LRRTM4: variants seen among roughly 807,000 people sequenced by gnomAD.
LRRTM4 encodes leucine rich repeat transmembrane neuronal 4.
A neutral mutation model predicts 47.6 loss-of-function variants in LRRTM4; 25 were observed. That is an observed-to-expected ratio of 0.53 (90% CI 0.38 to 0.73). LRRTM4 has a LOEUF of 0.73. Among genes scored for constraint, LRRTM4 ranks in the 30% least tolerant of loss-of-function variants. LRRTM4 has a pLI of 0.00. For synonymous variants in LRRTM4, 311 were observed against 269.5 expected (o/e 1.15, Z -1.51); for missense variants, 638 against 713.4 (o/e 0.89, Z 1.20).
At chr2:76,957,095 T>C (rs1473657306) in intron 3 of LRRTM4, among the ~76,000 whole-genome samples, 2 of 151,726 alleles carry the variant, frequency 1.3e-5, no homozygotes, top group Admixed American at 6.6e-5. Flanking sequence ...AAAGAGAAAA[T>C]ATTGTTATAT....
chr2:77,379,099 T>C (rs1167715518), intron 3 of LRRTM4, among the ~76,000 whole-genome samples: 1 of 152,124 alleles, frequency 6.6e-6, no homozygotes, highest in Non-Finnish European at 1.5e-5. Context: ...TGTACTTATA[T>C]AGTGATATGT....
At chr2:77,225,841 C>A (rs975885711) in intron 3 of LRRTM4, among the ~76,000 whole-genome samples, 3 of 151,702 alleles carry the variant, frequency 2.0e-5, no homozygotes, top group Non-Finnish European at 2.9e-5. Context: ...GTAGCACATT[C>A]AAATATAATA....
At chr2:76,889,520 T>A (rs1313392312) in intron 3 of LRRTM4, among the ~76,000 whole-genome samples, 1 of 151,922 alleles carries the variant, frequency 6.6e-6, no homozygotes, top group Non-Finnish European at 1.5e-5. Flanking sequence ...TTGATTTATA[T>A]GAGTTTGAAA....
chr2:76,804,810 T>TATTA (rs1273745362), intron 3 of LRRTM4, among the ~76,000 whole-genome samples: 1 of 150,818 alleles, frequency 6.6e-6, no homozygotes, highest in Non-Finnish European at 1.5e-5. Context: ...TATAACAAAT[T>TATTA]ATTAAACAGA....
At chr2:77,191,667 AT>A (rs1300960972) in intron 3 of LRRTM4, among the ~76,000 whole-genome samples, 6 of 152,002 alleles carry the variant, frequency 3.9e-5, no homozygotes, top group African/African-American at 1.4e-4. Flanking sequence ...TCTAAATAAC[AT>A]GCAATTTGTC....
intron 3 of LRRTM4, among the ~76,000 whole-genome samples, chr2:77,306,282 A>G (rs976627073): frequency 2.6e-5 from 4 of 152,168 alleles, no homozygotes; most frequent in African/African-American, 9.7e-5. Context: ...GTTCTTTTGC[A>G]TACTTTGGCA....
chr2:76,844,279 C>G (rs1274105778), intron 3 of LRRTM4, among the ~76,000 whole-genome samples: 1 of 151,782 alleles, frequency 6.6e-6, no homozygotes, highest in Non-Finnish European at 1.5e-5. Context: ...GGACTACAGA[C>G]GCATGCCACC....
chr2:76,998,802 A>G (rs56314043), intron 3 of LRRTM4, among the ~76,000 whole-genome samples: 84,193 of 148,766 alleles, frequency 0.57, 25,865 homozygotes, highest in African/African-American at 0.8. Context: ...TCAGGCGTAC[A>G]TTGAGATTTC....
Position 76,799,458 on chromosome 2 carries a change from A to C in LRRTM4, c.1552-50542T>G, listed in dbSNP as rs1291908860. Among the ~76,000 whole-genome samples the C allele has an allele frequency of 2.9e-4, 41 of 139,650 alleles. 2 individuals are homozygous for C. The highest frequency in any genetic ancestry group is 7.8e-4 in the African/African-American group (29 of 37,224). 91.6% of individuals were successfully genotyped at this position (139,650 alleles called of 152,430 possible). On this transcript the variant is annotated intron_variant, in intron 3 of 3. Transcript: ENST00000409884. The stretch of plus-strand genomic sequence containing the variant: ...GTATTGATGGGACGTATCTCAAAAT[A>C]ATAAGAGCTATCTATGACAAACCCA...
chr2:76,810,169 T>A (rs76988210), intron 3 of LRRTM4, among the ~76,000 whole-genome samples: 7,018 of 152,294 alleles, frequency 0.046, 471 homozygotes, highest in African/African-American at 0.14. Flanking sequence ...TGAGTGGCAC[T>A]TCACACTCAC....
At chr2:76,819,696 A>T (rs752995055) in intron 3 of LRRTM4, among the ~76,000 whole-genome samples, 3 of 151,886 alleles carry the variant, frequency 2.0e-5, no homozygotes, top group Non-Finnish European at 2.9e-5. Flanking sequence ...CTAGATTGTT[A>T]CTCTCAGCCT....
chr2:77,152,321 C>T (rs990102487), intron 3 of LRRTM4, among the ~76,000 whole-genome samples: 3 of 151,996 alleles, frequency 2.0e-5, no homozygotes, highest in Non-Finnish European at 2.9e-5. Context: ...GAACACATAT[C>T]TTCACTTTTT....
At chr2:77,157,036 T>C (rs1468305751) in intron 3 of LRRTM4, among the ~76,000 whole-genome samples, 1 of 152,132 alleles carries the variant, frequency 6.6e-6, no homozygotes, top group Non-Finnish European at 1.5e-5. Context: ...TTATTAAATA[T>C]ACAAGTTATT....
At chr2:76,958,394 T>A (rs759995395) in intron 3 of LRRTM4, among the ~76,000 whole-genome samples, 1 of 151,790 alleles carries the variant, frequency 6.6e-6, no homozygotes, top group Admixed American at 6.6e-5. Context: ...CATAATCACC[T>A]GAAAGAGCTG....
chr2:77,420,112 T>C (rs1674815864), intron 3 of LRRTM4, among the ~76,000 whole-genome samples: 1 of 152,158 alleles, frequency 6.6e-6, no homozygotes, highest in African/African-American at 2.4e-5. Context: ...ACTCACATCA[T>C]TGTTGGCAGG....
intron 3 of LRRTM4, among the ~76,000 whole-genome samples, chr2:76,789,445 G>A (rs1403122885): frequency 2.0e-5 from 3 of 152,100 alleles, no homozygotes; most frequent in South Asian, 2.1e-4. Context: ...AACACCATGC[G>A]TTGTATGACA....
intron 3 of LRRTM4, among the ~76,000 whole-genome samples, chr2:76,869,085 C>G (rs1297504124): frequency 6.6e-6 from 1 of 151,982 alleles, no homozygotes; most frequent in South Asian, 2.1e-4. Context: ...CCGAGGTGAG[C>G]AGATCACGAG....
At chr2:76,864,451 A>T (rs1359997747) in intron 3 of LRRTM4, among the ~76,000 whole-genome samples, 1 of 152,106 alleles carries the variant, frequency 6.6e-6, no homozygotes, top group East Asian at 1.9e-4. Flanking sequence ...TGAGGTCAGG[A>T]GTTTGAGACA....
At chr2:76,959,243 T>G (rs1302406407) in intron 3 of LRRTM4, among the ~76,000 whole-genome samples, 1 of 151,686 alleles carries the variant, frequency 6.6e-6, no homozygotes, top group Admixed American at 6.6e-5. Flanking sequence ...CTATATTATG[T>G]TTTCATCATG....
Sources: allele counts gnomAD v4.1 joint callset (sites outside exome capture counted in the v4.1 genomes callset), GRCh38; gene constraint gnomAD v4.1.1; transcripts MANE v1.5; gene names NCBI Gene and HGNC (gene_info 2026-07-23, HGNC 2026-07-21).